Variants in DCHS1 observed in about 807,000 individuals in gnomAD.
DCHS1 encodes the protein dachsous cadherin-related 1, also known as protocadherin-16.
DCHS1 carries 78 observed loss-of-function variants against 213.9 expected under a neutral mutation model. The ratio of observed to expected loss-of-function variants is 0.36; its 90% CI spans 0.30 to 0.44. The LOEUF (loss-of-function observed/expected upper bound fraction) is 0.44, where lower values mean the gene tolerates loss of function less well. Ranked by LOEUF, DCHS1 falls within the 20% of genes least tolerant of loss-of-function variation. The pLI, the probability that DCHS1 is intolerant of heterozygous loss-of-function variation, is 1.00. For synonymous variants in DCHS1, 1,828 were observed against 1,873.7 expected, an observed-to-expected ratio of 0.98 and a Z score of 0.63; for missense variants, 3,946 against 4,395.9, an observed-to-expected ratio of 0.90 and a Z score of 2.89.
chr11:6,634,327 G>A, intron 2 of DCHS1, 21 bp from the exon 3 acceptor site: 2 of 1,558,550 alleles, frequency 1.3e-6, no homozygotes, highest in Non-Finnish European at 1.7e-6. Flanking sequence ...GCTGGGGTGA[G>A]TGGTGTCCCC....
chr11:6,633,717 TG>T (rs1286837911), intron 4 of DCHS1, 69 bp from the exon 5 acceptor site: 51 of 1,598,546 alleles, frequency 3.2e-5, no homozygotes, highest in Non-Finnish European at 4.1e-5. Context: ...ATGGAGGAGG[TG>T]GGTAGGACAT....
intron 1 of DCHS1, among the ~76,000 whole-genome samples, 168 bp downstream of exon 1, chr11:6,655,395 C>T (rs1000912886): frequency 2.0e-5 from 3 of 151,894 alleles, no homozygotes; most frequent in African/African-American, 7.2e-5. Context: ...GCCCTGCCCC[C>T]ACGCTCACGT....
rs369091875 is a variant in DCHS1, at chr11:6,633,485, C to G, written c.2382G>C (p.Gln794His). ...CATCCTCTGGCACAGAAAAAACATACTGTAGTTGCTCAAATATGGGTGGTG... is the reference window on the plus strand; with the variant it reads ...CATCCTCTGGCACAGAAAAAACATAGTGTAGTTGCTCAAATATGGGTGGTG... The part of the protein sequence containing the change: ...TPTPPIFEQL[Q>H]YVFSVPEDVA... Residue 794 changes from glutamine to histidine, a missense_variant, in exon 5 of 21, where the codon CAG (glutamine) becomes CAC (histidine). Transcript: ENST00000299441. 4.7e-4 allele frequency: 738 copies of G among 1,579,028 alleles called. 7 individuals are homozygous for G. The South Asian group carries it at 7.0e-3, about 15-fold the overall frequency.
chr11:6,623,206 C>T lies in DCHS1; in HGVS notation c.8470G>A (p.Glu2824Lys), dbSNP rs568029252. The change falls in exon 21 of 21, where the codon GAA (glutamate) becomes AAA (lysine). Residue 2824 changes from glutamate (E) to lysine (K), a missense_variant. Around this residue, in one of 3 missense-constraint regions of DCHS1, gnomAD observed 3,384 missense variants for 3,780.1 expected, o/e 0.90. Coordinates refer to ENST00000299441, the MANE Select transcript of DCHS1 (RefSeq NM_003737.4). ...LAPAFHFQVP[E>K]GARRGHSLGH... is the part of the protein sequence containing the mutation. ...AAGCTGTGGCCACGCCGGGCACCTTCGGGCACTTGGAAGTGGAAAGCTGGT... is the reference window on the plus strand; with the variant it reads ...AAGCTGTGGCCACGCCGGGCACCTTTGGGCACTTGGAAGTGGAAAGCTGGT... The T allele has an allele frequency of 1.7e-5, 27 of 1,601,128 alleles. No homozygotes were observed. The East Asian group carries it at 2.9e-4, about 17-fold the overall frequency.
Position 6,622,664 on chromosome 11 carries a change from G to T in DCHS1, c.9012C>A (p.His3004Gln). 1 of 1,594,066 alleles carries T rather than the reference G, an allele frequency of 6.3e-7. No homozygotes were observed. Among genetic ancestry groups the T allele is most frequent in the Non-Finnish European group, 8.5e-7 (1 of 1,170,576 alleles). ...PSPPPSEHLY[H>Q]QTLPSYGGPG... ...GCCCACCATAGCTGGGAAGAGTCTG[G>T]TGATAGAGGTGCTCAGAGGGTGGTG... The change falls in exon 21 of 21, where the codon CAC becomes CAA. Residue 3004 changes from histidine to glutamine, a missense_variant. This residue lies in a region of DCHS1 where 554 missense variants were observed against 590.2 expected (regional missense o/e 0.94). Coordinates refer to ENST00000299441, the MANE Select transcript of DCHS1 (RefSeq NM_003737.4). The surrounding 1 kb of genome is among the most constrained non-coding windows in gnomAD (Gnocchi z 5.4).
At chr11:6,649,433 T>A (rs998386347) in intron 1 of DCHS1, among the ~76,000 whole-genome samples, 1 of 151,178 alleles carries the variant, frequency 6.6e-6, no homozygotes, top group African/African-American at 2.4e-5. Context: ...TCAGTCCAGG[T>A]GAGCATGGGG....
chr11:6,642,295 G>A (rs1274421554), intron 1 of DCHS1, among the ~76,000 whole-genome samples: 2 of 152,134 alleles, frequency 1.3e-5, no homozygotes, highest in Non-Finnish European at 2.9e-5. Flanking sequence ...AGGCACTGAG[G>A]ATACCACAGC....
rs2134622151 is a variant in DCHS1, at chr11:6,628,788, A to G, written c.5204T>C (p.Val1735Ala). ...DRGSPPQLTH[V>A]TVRVAVEDEN... ...ATCCTCCACAGCCACTCGAACAGTG[A>G]CATGCGTTAACTGAGGAGGTGAGCC... The change falls in exon 13 of 21, where the codon GTC (valine) becomes GCC (alanine). Residue 1735 changes from valine (V) to alanine (A), a missense_variant. Val to Ala is a moderately conservative substitution (Grantham distance 64). Coordinates refer to ENST00000299441, the MANE Select transcript of DCHS1 (RefSeq NM_003737.4). This position sits in a 1 kb window ranked among gnomAD's most constrained non-coding sequence, Gnocchi z 4.3. 1.2e-6 allele frequency: 2 copies of G among 1,613,994 alleles called. No homozygotes were observed. Among genetic ancestry groups the G allele is most frequent in the East Asian group, 2.2e-5 (1 of 44,892 alleles).
rs988875015 is a variant in DCHS1 at position 6,622,583 on chromosome 11, A to G, written c.9093T>C (p.Ser3031=). Residue 3031 remains serine, a synonymous_variant, in exon 21 of 21, where the codon AGT becomes AGC. Transcript: ENST00000299441. This position sits in a 1 kb window ranked among gnomAD's most constrained non-coding sequence, Gnocchi z 5.4. The stretch of plus-strand genomic sequence containing the variant: ...CTGCAGCCTCTGCTGATCCTCGGCC[A>G]CTTGAATGTGAAGGGTCCAAGGAGC... ...RGGSLDPSHS[S]GRGSAEAAED... 3.8e-6 allele frequency: 6 copies of G among 1,580,714 alleles called. No homozygotes were observed. Among genetic ancestry groups the G allele is most frequent in the Non-Finnish European group, 5.2e-6 (6 of 1,164,082 alleles).
At chr11:6,639,729 A>G in intron 2 of DCHS1, 88 bp downstream of exon 2, 1 of 1,145,470 alleles carries the variant, frequency 8.7e-7, no homozygotes, top group Non-Finnish European at 1.2e-6. Flanking sequence ...TCAACAGATG[A>G]CCTTGTAAGG....
At position 6,629,494 on chromosome 11, in the gene DCHS1, G is replaced by T; in HGVS notation, c.5119C>A (p.Arg1707=). 6.2e-7 allele frequency: 1 copy of T among 1,613,052 alleles called. No individual in the cohort carries two copies. Among genetic ancestry groups the T allele is most frequent in the Non-Finnish European group, 8.5e-7 (1 of 1,179,492 alleles). The change falls in exon 12 of 21, where the codon CGG becomes AGG. Residue 1707 remains arginine, a synonymous_variant. Transcript: ENST00000299441. ...TCCTGTTCCTCTCGATCCAGGGCCC[G>T]AAGAGTCGTGAGAACACCAGTGTCA... is the stretch of plus-strand genomic sequence containing the variant. ...DPDTGVLTTL[R]ALDREEQEEI...
At position 6,625,858 on chromosome 11, in the gene DCHS1, G is replaced by A; in HGVS notation, c.6731+62C>T. On this transcript the variant is annotated intron_variant, in intron 17 of 20. Coordinates refer to ENST00000299441, the MANE Select transcript of DCHS1 (RefSeq NM_003737.4). The surrounding 1 kb of genome is among the most constrained non-coding windows in gnomAD (Gnocchi z 5.3). ...TGGCCAAGGGACCAGATGAGTTCAA[G>A]GCAGGGCTTGAAACTGGACAGGCCC... is the stretch of plus-strand genomic sequence containing the variant. The A allele has an allele frequency of 1.3e-6, 2 of 1,595,388 alleles. No individual in the cohort carries two copies. Among genetic ancestry groups the A allele is most frequent in the South Asian group, 1.1e-5 (1 of 88,466 alleles).
At chr11:6,651,244 G>A (rs777744275) in intron 1 of DCHS1, among the ~76,000 whole-genome samples, 1 of 152,210 alleles carries the variant, frequency 6.6e-6, no homozygotes, top group African/African-American at 2.4e-5. Flanking sequence ...CCAGATATGA[G>A]GAAGGGAAGG....
At chr11:6,638,982 G>A (rs1856024925) in intron 2 of DCHS1, among the ~76,000 whole-genome samples, 1 of 151,980 alleles carries the variant, frequency 6.6e-6, no homozygotes, top group South Asian at 2.1e-4. Context: ...TGTGGTGGAG[G>A]TGCCTGTAGT....
Position 6,628,834 on chromosome 11 carries a change from T to C in DCHS1, c.5162-4A>G. ...GAGCCCCTGTCCTGGGCATACACTG[T>C]GGGGAAGCAAAATCAATGAGGTCTA... On this transcript the variant is annotated splice_region_variant and splice_polypyrimidine_tract_variant and intron_variant, in intron 12 of 20. Transcript: ENST00000299441. The surrounding 1 kb of genome is among the most constrained non-coding windows in gnomAD (Gnocchi z 4.3). The C allele has an allele frequency of 1.2e-6, 2 of 1,611,464 alleles. No homozygotes were observed. The highest frequency in any genetic ancestry group is 1.7e-6 in the Non-Finnish European group (2 of 1,178,714).
At position 6,621,754 on chromosome 11, in the gene DCHS1, G is replaced by A; in HGVS notation, c.*25C>T. ...CGTTGGGGACACTGTGCGCATCCCA[G>A]GTCGGGGCCCAGCCTGGGCCACAGC... On this transcript the variant is annotated 3_prime_UTR_variant, in exon 21 of 21. Transcript: ENST00000299441. 1 of 1,555,730 alleles carries A rather than the reference G, an allele frequency of 6.4e-7. No individual in the cohort carries two copies.
At chr11:6,633,240 C>T (rs1015719447) in intron 5 of DCHS1, among the ~76,000 whole-genome samples, 172 bp downstream of exon 5, 10 of 73,564 alleles carry the variant, frequency 1.4e-4, no homozygotes, top group Admixed American at 3.0e-4. Flanking sequence ...TCCTATGCCT[C>T]ATGAAGCAGT....
Position 6,628,920 on chromosome 11 carries a change from G to C in DCHS1, c.5162-90C>G. ...CAGTGTTCATACATGTTCACTAGGT[G>C]CACACAAACCAGAAAATGTCCATCT... On this transcript the variant is annotated intron_variant, in intron 12 of 20. Transcript: ENST00000299441. This position sits in a 1 kb window ranked among gnomAD's most constrained non-coding sequence, Gnocchi z 4.3. The C allele has an allele frequency of 7.3e-7, 1 of 1,371,894 alleles. No homozygotes were observed. The highest frequency in any genetic ancestry group is 1.4e-5 in the African/African-American group (1 of 69,606). 85.0% of individuals were successfully genotyped at this position (1,371,894 alleles called of 1,614,324 possible).
chr11:6,632,863 C>G lies in DCHS1; in HGVS notation c.2649G>C (p.Leu883=). Reference sequence around the variant, plus strand: ...GGGAGTTGTCATTCACATCATCCAGCAGCACACGCACCCGAGCTACAGCGA... The same window carrying G: ...GGGAGTTGTCATTCACATCATCCAGGAGCACACGCACCCGAGCTACAGCGA... The part of the protein sequence containing the change: ...PAFAVARVRV[L]LDDVNDNSPA... The change falls in exon 6 of 21, where the codon CTG becomes CTC. Residue 883 remains leucine (L), a synonymous_variant. Coordinates refer to ENST00000299441, the MANE Select transcript of DCHS1 (RefSeq NM_003737.4). This position sits in a 1 kb window ranked among gnomAD's most constrained non-coding sequence, Gnocchi z 5.9. 1 of 1,614,020 alleles carries G rather than the reference C, an allele frequency of 6.2e-7. No homozygotes were observed. The highest frequency in any genetic ancestry group is 8.5e-7 in the Non-Finnish European group (1 of 1,179,882).
Sources: gnomAD v4.1 joint callset for allele counts (sites outside exome capture counted in the v4.1 genomes callset) on GRCh38, gnomAD v4.1.1 for gene constraint, gnomAD v4.1.1 regional missense constraint, Gnocchi (gnomAD v3.1) non-coding constraint, MANE v1.5 for transcripts, NCBI Gene and HGNC (gene_info 2026-07-23, HGNC 2026-07-21) for gene names.